CDCA7L: variants seen among roughly 807,000 people sequenced by gnomAD.
CDCA7L encodes the protein cell division cycle-associated 7-like protein.
In CDCA7L, 44 loss-of-function variants were observed where a neutral mutation model predicts 57.4. That is an observed-to-expected ratio of 0.77 (90% CI 0.60 to 0.98). The LOEUF is 0.98. CDCA7L is among the 50% of genes least tolerant of loss of function. The pLI, the probability that CDCA7L is intolerant of heterozygous loss-of-function variation, is 0.00. For missense variants in CDCA7L, 644 were observed against 580.6 expected (o/e 1.11, Z -1.12); for synonymous variants, 236 against 202.8 (o/e 1.16, Z -1.39).
Position 21,904,159 on chromosome 7 carries a change from C to T in CDCA7L, c.1148G>A (p.Cys383Tyr). The change falls in exon 8 of 10, where the codon TGC becomes TAC. Residue 383 changes from cysteine (C) to tyrosine (Y), a missense_variant. Cys to Tyr is a radical substitution (Grantham distance 194). Coordinates refer to ENST00000406877, the MANE Select transcript of CDCA7L (RefSeq NM_018719.5). ...CGVRGQFCGP[C>Y]LRNRYGEDVR... ...ATCCTCCCCATAGCGGTTCCGCAGG[C>T]ATGGTCCACAGAACTGTCCTCGCAC... 6.2e-7 allele frequency: 1 copy of T among 1,613,376 alleles called. No homozygotes were observed. The highest frequency in any genetic ancestry group is 1.1e-5 in the South Asian group (1 of 90,970).
chr7:21,930,349 C>G (rs1785967425), intron 1 of CDCA7L, among the ~76,000 whole-genome samples: 1 of 152,066 alleles, frequency 6.6e-6, no homozygotes, highest in Non-Finnish European at 1.5e-5. Context: ...ACTAAATGCC[C>G]ACAAGAGAAA....
chr7:21,902,906 T>G (rs948650636), intron 9 of CDCA7L, 72 bp downstream of exon 9: 71 of 1,469,872 alleles, frequency 4.8e-5, no homozygotes, highest in Non-Finnish European at 5.5e-5. Context: ...CAACAACTAC[T>G]TGCCCAGAGG....
intron 1 of CDCA7L, among the ~76,000 whole-genome samples, chr7:21,921,128 G>C (rs939271928): frequency 5.3e-5 from 8 of 152,122 alleles, no homozygotes; most frequent in Non-Finnish European, 1.0e-4. Context: ...CACCACTGCT[G>C]CGAGCCTGTG....
chr7:21,913,484 C>G (rs1427301544), intron 2 of CDCA7L, among the ~76,000 whole-genome samples: 7 of 152,160 alleles, frequency 4.6e-5, no homozygotes, highest in Non-Finnish European at 7.4e-5. Context: ...CCTGTGGGGT[C>G]GGGGTAGAGA....
In CDCA7L at chr7:21,904,263, C is replaced by G; in HGVS notation, c.1048-4G>C. 1 of 1,596,396 alleles carries G rather than the reference C, an allele frequency of 6.3e-7. No individual in the cohort carries two copies. Among genetic ancestry groups the G allele is most frequent in the Non-Finnish European group, 8.5e-7 (1 of 1,171,944 alleles). On this transcript the variant is annotated splice_region_variant and splice_polypyrimidine_tract_variant and intron_variant, in intron 7 of 9. Coordinates refer to ENST00000406877, the MANE Select transcript of CDCA7L (RefSeq NM_018719.5). ...GACACTGATGGCACGTGTTACCCTA[C>G]AGGGGGAAGGCAGTGAGCAGGTGAA...
intron 1 of CDCA7L, among the ~76,000 whole-genome samples, chr7:21,945,072 C>A (rs1045230129): frequency 6.6e-6 from 1 of 152,096 alleles, no homozygotes; most frequent in Admixed American, 6.5e-5. Flanking sequence ...AAAGAGAAAA[C>A]TGAAGTCACG....
intron 1 of CDCA7L, among the ~76,000 whole-genome samples, chr7:21,937,235 A>G (rs754867790): frequency 1.6e-4 from 25 of 152,232 alleles, no homozygotes; most frequent in Non-Finnish European, 2.1e-4. Flanking sequence ...TACAGACTCA[A>G]TGTATTCCTT....
intron 3 of CDCA7L, among the ~76,000 whole-genome samples, chr7:21,910,853 TG>T (rs1256676340): frequency 6.6e-6 from 1 of 152,078 alleles, no homozygotes; most frequent in Non-Finnish European, 1.5e-5. Flanking sequence ...CCACAATGCA[TG>T]GGGAACACCA....
At chr7:21,926,013 A>G (rs1156845285) in intron 1 of CDCA7L, among the ~76,000 whole-genome samples, 1 of 152,192 alleles carries the variant, frequency 6.6e-6, no homozygotes, top group African/African-American at 2.4e-5. Flanking sequence ...CCTAGGCAGG[A>G]TAGCTTAAGT....
At chr7:21,912,189 G>A (rs1228832559) in intron 2 of CDCA7L, among the ~76,000 whole-genome samples, 1 of 152,060 alleles carries the variant, frequency 6.6e-6, no homozygotes. Flanking sequence ...CCAACCCTGG[G>A]AGGTCGAGGC....
chr7:21,943,501 A>G (rs1397005294), intron 1 of CDCA7L, among the ~76,000 whole-genome samples: 1 of 152,256 alleles, frequency 6.6e-6, no homozygotes, highest in Non-Finnish European at 1.5e-5. Context: ...TGCTTTATTC[A>G]TAAGGCTGGG....
In CDCA7L at chr7:21,921,358, A is replaced by AAAAAAAC. The variant is rs1554296942; in HGVS notation, c.25-4465_25-4464insGTTTTTT. Reference sequence around the variant, plus strand: ...AAGATTTGCCAAAAAAAAAAAAAAAACTGTAAAATATTCAAGTGTCCTCAA... The same window carrying AAAAAAAC: ...AAGATTTGCCAAAAAAAAAAAAAAAAAAAAAACCTGTAAAATATTCAAGTGTCCTCAA... On this transcript the variant is annotated intron_variant, in intron 1 of 9. Coordinates refer to ENST00000406877, the MANE Select transcript of CDCA7L (RefSeq NM_018719.5). Among the ~76,000 whole-genome samples the AAAAAAAC allele has an allele frequency of 4.6e-5, 7 of 150,806 alleles. No individual in the cohort carries two copies. In the East Asian group the frequency reaches 5.8e-4, roughly 13 times the overall value.
At position 21,908,386 on chromosome 7, in the gene CDCA7L, A is replaced by G; in HGVS notation, c.425T>C (p.Leu142Pro). 1 of 1,609,848 alleles carries G rather than the reference A, an allele frequency of 6.2e-7. No individual in the cohort carries two copies. Among genetic ancestry groups the G allele is most frequent in the Non-Finnish European group, 8.5e-7 (1 of 1,178,928 alleles). ...RSRSRRSSIGLRVAFQFPTKK... is the reference protein window; with the variant it reads ...RSRSRRSSIGPRVAFQFPTKK... Reference sequence around the variant, plus strand: ...GGTGGGGAACTGAAAGGCTACTCGAAGACCAATACTACTTCTTCTAGACCT... The same window carrying G: ...GGTGGGGAACTGAAAGGCTACTCGAGGACCAATACTACTTCTTCTAGACCT... Residue 142 changes from leucine to proline, a missense_variant, in exon 4 of 10, where the codon CTT becomes CCT. Physicochemically the swap from Leu to Pro is moderately conservative, Grantham distance 98. Coordinates refer to ENST00000406877, the MANE Select transcript of CDCA7L (RefSeq NM_018719.5).
chr7:21,942,678 C>A (rs186565212), intron 1 of CDCA7L, among the ~76,000 whole-genome samples: 3 of 152,258 alleles, frequency 2.0e-5, no homozygotes, highest in African/African-American at 7.2e-5. Context: ...TGTTTCCTGG[C>A]CTGTGTACCT....
intron 3 of CDCA7L, among the ~76,000 whole-genome samples, chr7:21,909,947 C>T (rs779891550): frequency 1.1e-4 from 17 of 152,170 alleles, no homozygotes; most frequent in South Asian, 4.1e-4. Flanking sequence ...AAGATAGGTT[C>T]GCCAGTTCCC....
At chr7:21,915,658 A>AAAAC (rs1554296504) in intron 2 of CDCA7L, among the ~76,000 whole-genome samples, 36 of 73,480 alleles carry the variant, frequency 4.9e-4, no homozygotes, top group South Asian at 2.7e-3. Context: ...AAAAAAAAAA[A>AAAAC]ACACACACAC....
At chr7:21,921,593 C>CT (rs201649581) in intron 1 of CDCA7L, among the ~76,000 whole-genome samples, 2,143 of 138,846 alleles carry the variant, frequency 0.015, 38 homozygotes, top group African/African-American at 0.046. Context: ...AATGCAAGAC[C>CT]TTTTTTTTTT....
intron 1 of CDCA7L, among the ~76,000 whole-genome samples, chr7:21,917,712 T>A (rs891774797): frequency 6.6e-6 from 1 of 152,236 alleles, no homozygotes; most frequent in African/African-American, 2.4e-5. Flanking sequence ...TTGGCTGTTT[T>A]TAACTTAGGA....
intron 1 of CDCA7L, among the ~76,000 whole-genome samples, chr7:21,922,959 A>G (rs1785704563): frequency 6.6e-6 from 1 of 152,222 alleles, no homozygotes. Context: ...ACAGGTACCT[A>G]GAGTGGTTGA....
Sources: gnomAD v4.1 joint callset for allele counts (sites outside exome capture counted in the v4.1 genomes callset) on GRCh38, gnomAD v4.1.1 for gene constraint, MANE v1.5 for transcripts, NCBI Gene and HGNC (gene_info 2026-07-23, HGNC 2026-07-21) for gene names.